MRTFB: variants seen among roughly 807,000 people sequenced by gnomAD.
The protein encoded by MRTFB is myocardin-related transcription factor B.
MRTFB carries 29 observed loss-of-function variants against 104.2 expected under a neutral mutation model. The observed-to-expected ratio is 0.28, with a 90% CI of 0.21 to 0.38. The LOEUF is 0.38. Ranked by LOEUF, MRTFB falls within the 10% of genes least tolerant of loss-of-function variation. The pLI, the probability that MRTFB is intolerant of heterozygous loss-of-function variation, is 1.00. For missense variants in MRTFB, 1,270 were observed against 1,341.6 expected, an observed-to-expected ratio of 0.95 and a Z score of 0.83; for synonymous variants, 535 against 519.5, an observed-to-expected ratio of 1.03 and a Z score of -0.41.
intron 3 of MRTFB, among the ~76,000 whole-genome samples, chr16:14,146,877 A>G (rs1325903961): frequency 6.6e-6 from 1 of 152,222 alleles, no homozygotes; most frequent in Non-Finnish European, 1.5e-5. Flanking sequence ...AGGGAGAAAG[A>G]GGAAATTTCT....
At chr16:14,099,925 A>G (rs1596822096) in intron 2 of MRTFB, among the ~76,000 whole-genome samples, 1 of 152,142 alleles carries the variant, frequency 6.6e-6, no homozygotes, top group Non-Finnish European at 1.5e-5. Flanking sequence ...TCGGACTCCC[A>G]AAGTGCTAGG....
At chr16:14,198,143 A>C (rs1018430064) in intron 3 of MRTFB, among the ~76,000 whole-genome samples, 23 of 152,166 alleles carry the variant, frequency 1.5e-4, no homozygotes, top group African/African-American at 5.5e-4. Flanking sequence ...TTTCATCCAC[A>C]TTGTAGTATG....
At chr16:14,252,150 C>A in intron 14 of MRTFB, 127 bp downstream of exon 14, 1 of 1,262,498 alleles carries the variant, frequency 7.9e-7, no homozygotes, top group Non-Finnish European at 1.1e-6. Flanking sequence ...ACAGTGATAA[C>A]TTGTGAAGGA....
intron 2 of MRTFB, among the ~76,000 whole-genome samples, chr16:14,129,730 A>G (rs1014270897): frequency 2.0e-5 from 3 of 152,276 alleles, no homozygotes; most frequent in Admixed American, 2.0e-4. Flanking sequence ...AGTATCTCAC[A>G]CCCACCAGTA....
chr16:14,066,075 T>C, the MRTFB span, among the ~76,000 whole-genome samples: 2 of 152,214 alleles, frequency 1.3e-5, no homozygotes, highest in Non-Finnish European at 2.9e-5. Flanking sequence ...CCTGTCTTGC[T>C]CATAGTTATT....
chr16:14,219,020 C>T, intron 8 of MRTFB, 22 bp downstream of exon 8: 2 of 1,556,344 alleles, frequency 1.3e-6, no homozygotes, highest in South Asian at 2.4e-5. Flanking sequence ...CTGGTTTTGA[C>T]CCCTAAAGAA....
intron 2 of MRTFB, among the ~76,000 whole-genome samples, chr16:14,085,720 G>T (rs2034668152): frequency 6.6e-6 from 1 of 152,152 alleles, no homozygotes; most frequent in South Asian, 2.1e-4. Context: ...GTCATTGTTA[G>T]AATTAGGTTG....
At chr16:14,095,821 T>G (rs1356161018) in intron 2 of MRTFB, among the ~76,000 whole-genome samples, 1 of 152,240 alleles carries the variant, frequency 6.6e-6, no homozygotes, top group Non-Finnish European at 1.5e-5. Flanking sequence ...TTTTGATCTT[T>G]TGTTTTCATG....
At chr16:14,225,014 CT>C (rs2151260968) in intron 8 of MRTFB, among the ~76,000 whole-genome samples, 1 of 152,246 alleles carries the variant, frequency 6.6e-6, no homozygotes, top group African/African-American at 2.4e-5. Flanking sequence ...TGGAGAAACC[CT>C]GTCTCTACTA....
At chr16:14,070,680 T>C (rs1174466472), upstream of MRTFB, among the ~76,000 whole-genome samples, 3 of 152,164 alleles carry the variant, frequency 2.0e-5, no homozygotes, top group Non-Finnish European at 4.4e-5. Context: ...CTCACCTTGG[T>C]GAATGTTGGG....
intron 14 of MRTFB, 71 bp from the exon 15 acceptor site, chr16:14,252,294 G>C: frequency 2.6e-6 from 4 of 1,562,386 alleles, no homozygotes; most frequent in Non-Finnish European, 3.5e-6. Context: ...GAACAGCAGA[G>C]CCGAGTCTAG....
the MRTFB span, among the ~76,000 whole-genome samples, chr16:14,048,159 C>A: frequency 1.1e-4 from 17 of 152,238 alleles, no homozygotes; most frequent in South Asian, 2.5e-3. Flanking sequence ...AATCTTAAAG[C>A]CCCAAAATGA....
At chr16:13,998,933 C>A in the MRTFB span, among the ~76,000 whole-genome samples, 1 of 136,276 alleles carries the variant, frequency 7.3e-6, no homozygotes, top group Non-Finnish European at 1.5e-5. Context: ...GGGCTCACAC[C>A]TATAGTCCTA....
At chr16:14,191,454 G>A (rs2040179859) in intron 3 of MRTFB, among the ~76,000 whole-genome samples, 1 of 152,154 alleles carries the variant, frequency 6.6e-6, no homozygotes, top group Non-Finnish European at 1.5e-5. Context: ...CCCAGTAACT[G>A]TATCTGTACC....
At chr16:14,111,067 A>G (rs988834553) in intron 2 of MRTFB, among the ~76,000 whole-genome samples, 9 of 152,140 alleles carry the variant, frequency 5.9e-5, no homozygotes, top group African/African-American at 2.2e-4. Flanking sequence ...TGCTGTTTAT[A>G]TGAGCATTCC....
intron 3 of MRTFB, chr16:14,152,774 T>G (rs1483850641): frequency 1.3e-5 from 2 of 152,190 alleles, no homozygotes; most frequent in Admixed American, 6.5e-5. Context: ...CCAGGTTTGT[T>G]GGGGAATTTT....
chr16:14,097,890 C>T (rs1434155642), intron 2 of MRTFB, among the ~76,000 whole-genome samples: 1 of 152,100 alleles, frequency 6.6e-6, no homozygotes, highest in Non-Finnish European at 1.5e-5. Context: ...GAGATTTGTC[C>T]ATGTTGTTGA....
At chr16:14,056,748 G>A in the MRTFB span, among the ~76,000 whole-genome samples, 1 of 151,964 alleles carries the variant, frequency 6.6e-6, no homozygotes, top group Admixed American at 6.6e-5. Flanking sequence ...ATGCATGCAT[G>A]GATATATCTA....
chr16:14,260,898 A>C lies in MRTFB; in HGVS notation c.2765-11A>C. Reference sequence around the variant, plus strand: ...TCTTCAGTTACTAATTACTTCATTTATTTTACACAGAGATCTCCCTCCCCA... The same window carrying C: ...TCTTCAGTTACTAATTACTTCATTTCTTTTACACAGAGATCTCCCTCCCCA... On this transcript the variant is annotated splice_polypyrimidine_tract_variant and intron_variant, in intron 16 of 16. Coordinates refer to ENST00000571589, the MANE Select transcript of MRTFB (RefSeq NM_001308142.2). 1 of 1,577,618 alleles carries C rather than the reference A, an allele frequency of 6.3e-7. No individual in the cohort carries two copies. Among genetic ancestry groups the C allele is most frequent in the Non-Finnish European group, 8.6e-7 (1 of 1,164,302 alleles).
Sources: gnomAD v4.1 joint callset for allele counts (sites outside exome capture counted in the v4.1 genomes callset) on GRCh38, gnomAD v4.1.1 for gene constraint, MANE v1.5 for transcripts, NCBI Gene and HGNC (gene_info 2026-07-23, HGNC 2026-07-21) for gene names.